The following FOXP2 variants were observed in gnomAD, a reference collection of about 807,000 sequenced individuals.
FOXP2 encodes the protein forkhead box P2.
In FOXP2, 12 loss-of-function variants were observed where a neutral mutation model predicts 115.8. The ratio of observed to expected loss-of-function variants is 0.10; its 90% CI spans 0.07 to 0.17. The LOEUF is 0.17. FOXP2 is among the 10% of genes least tolerant of loss of function. The pLI is 1.00. For synonymous variants in FOXP2, 328 were observed against 297.7 expected (o/e 1.10, Z -1.05); for missense variants, 629 against 843.5 (o/e 0.75, Z 3.15).
intron 3 of FOXP2, among the ~76,000 whole-genome samples, chr7:114,535,193 C>G (rs770573658): frequency 2.6e-5 from 4 of 151,702 alleles, no homozygotes; most frequent in Non-Finnish European, 5.9e-5. Flanking sequence ...GTTATAAAAA[C>G]ACATTCTGGA....
intron 1 of FOXP2, among the ~76,000 whole-genome samples, chr7:114,280,740 C>T (rs1796315011): frequency 6.6e-6 from 1 of 151,966 alleles, no homozygotes; most frequent in South Asian, 2.1e-4. Context: ...TTTTGATTAC[C>T]TCATGAGAAA....
intron 1 of FOXP2, among the ~76,000 whole-genome samples, chr7:114,181,295 A>T (rs1039488034): frequency 6.5e-5 from 9 of 138,354 alleles, no homozygotes; most frequent in East Asian, 2.1e-4. Context: ...TATATATATA[A>T]AATGAAGGAT....
intron 16 of FOXP2, among the ~76,000 whole-genome samples, chr7:114,678,950 T>C (rs903807202): frequency 6.6e-6 from 1 of 152,194 alleles, no homozygotes. Flanking sequence ...TTGACAGATT[T>C]AGGCTCTTCT....
chr7:114,628,454 A>G, intron 3 of FOXP2, 86 bp from the exon 4 acceptor site: 2 of 1,552,232 alleles, frequency 1.3e-6, no homozygotes, highest in Non-Finnish European at 1.8e-6. Flanking sequence ...AAGAATTTAT[A>G]AAAGATAACA....
chr7:114,159,604 A>G (rs905139022), upstream of FOXP2, among the ~76,000 whole-genome samples: 7 of 152,156 alleles, frequency 4.6e-5, no homozygotes, highest in Non-Finnish European at 8.8e-5. Context: ...AAACTGGGAC[A>G]CTTCTGAGAG....
chr7:114,198,842 A>G (rs911620792), intron 1 of FOXP2, among the ~76,000 whole-genome samples: 6 of 152,140 alleles, frequency 3.9e-5, no homozygotes, highest in African/African-American at 1.2e-4. Flanking sequence ...GGATCTGGCA[A>G]ATTTGAAACT....
At position 114,516,101 on chromosome 7, in the gene FOXP2, A is replaced by T. The variant is rs554818056; in HGVS notation, c.169-18516A>T. On this transcript the variant is annotated intron_variant, in intron 2 of 16. Transcript: ENST00000350908. ...AACCAAAAAAGAGCCCGCATCGCCA[A>T]GTCAACCCTAAGCCAAAAGAACAAA... Among the ~76,000 whole-genome samples, 5 of 152,312 alleles carry T rather than the reference A, an allele frequency of 3.3e-5. No homozygotes were observed. In the East Asian group the frequency reaches 9.6e-4, roughly 29 times the overall value.
upstream of FOXP2, chr7:114,086,596 G>A (rs1353721299): frequency 1.5e-5 from 6 of 407,242 alleles, no homozygotes; most frequent in Non-Finnish European, 2.9e-5. Flanking sequence ...CGCTGCCCAC[G>A]GCGTCCCCGG....
Position 114,376,408 on chromosome 7 carries a change from C to G in FOXP2, c.-10-50094C>G, listed in dbSNP as rs189952867. ...TGATGATTTCACCTACTCCACAGAG[C>G]TGTTGTGGGGATTAAATGAACAATA... On this transcript the variant is annotated intron_variant, in intron 2 of 17. Transcript: ENST00000634411. Among the ~76,000 whole-genome samples the G allele has an allele frequency of 3.0e-3, 462 of 152,292 alleles. 4 individuals carry two copies. The highest frequency in any genetic ancestry group is 0.011 in the African/African-American group (450 of 41,556).
intron 1 of FOXP2, among the ~76,000 whole-genome samples, chr7:114,109,777 A>T (rs1306667663): frequency 6.6e-6 from 1 of 152,068 alleles, no homozygotes; most frequent in Non-Finnish European, 1.5e-5. Context: ...TTGTTAAATG[A>T]TAAATATCTG....
At chr7:114,163,125 A>T (rs1182405625) in intron 1 of FOXP2, 1 of 152,148 alleles carries the variant, frequency 6.6e-6, no homozygotes, top group Non-Finnish European at 1.5e-5. Flanking sequence ...TTCATCTCTC[A>T]GTTTTTATTG....
At chr7:114,131,241 C>CT (rs2129145270) in intron 1 of FOXP2, among the ~76,000 whole-genome samples, 1 of 152,260 alleles carries the variant, frequency 6.6e-6, no homozygotes, top group African/African-American at 2.4e-5. Context: ...CTCTTATACT[C>CT]TAATTATCTC....
chr7:114,541,619 C>T (rs1388644739), intron 3 of FOXP2, among the ~76,000 whole-genome samples: 2 of 151,864 alleles, frequency 1.3e-5, no homozygotes, highest in African/African-American at 4.8e-5. Context: ...CATACTTTAA[C>T]ATGGATGATA....
At chr7:114,244,237 G>A (rs1221324149) in intron 1 of FOXP2, among the ~76,000 whole-genome samples, 1 of 152,082 alleles carries the variant, frequency 6.6e-6, no homozygotes, top group Non-Finnish European at 1.5e-5. Context: ...TATGACATTA[G>A]TATGGTATAT....
At chr7:114,401,436 T>C (rs751724529) in intron 2 of FOXP2, among the ~76,000 whole-genome samples, 1 of 152,166 alleles carries the variant, frequency 6.6e-6, no homozygotes, top group Non-Finnish European at 1.5e-5. Flanking sequence ...TTTTTCCCCT[T>C]CCTTCACTCC....
Position 114,294,482 on chromosome 7 carries a change from G to T in FOXP2, c.-11+6373G>T, listed in dbSNP as rs115221419. 6.9e-3 allele frequency among the ~76,000 whole-genome samples: 1,055 copies of T among 152,106 alleles called. 9 individuals carry two copies. Among genetic ancestry groups the T allele is most frequent in the African/African-American group, 0.024 (977 of 41,480 alleles). ...ATTGAGCTCACTAGAAAAATAATAC[G>T]TTTGGTTTCCAGAAAAGTGAATTGA... is the stretch of plus-strand genomic sequence containing the variant. On this transcript the variant is annotated intron_variant, in intron 2 of 17. Coordinates refer to the FOXP2 transcript ENST00000634411.
chr7:114,232,647 C>G (rs1794910681), intron 1 of FOXP2, among the ~76,000 whole-genome samples: 1 of 151,988 alleles, frequency 6.6e-6, no homozygotes, highest in Non-Finnish European at 1.5e-5. Flanking sequence ...AACCCCATCT[C>G]TACTAAAAAT....
At chr7:114,585,668 C>G (rs887009826) in intron 3 of FOXP2, among the ~76,000 whole-genome samples, 2 of 151,350 alleles carry the variant, frequency 1.3e-5, no homozygotes, top group Non-Finnish European at 1.5e-5. Flanking sequence ...AGTTAAAGAC[C>G]AGCCTGGCCA....
At chr7:114,164,381 T>C (rs1217917190) in intron 1 of FOXP2, among the ~76,000 whole-genome samples, 1 of 151,664 alleles carries the variant, frequency 6.6e-6, no homozygotes, top group Non-Finnish European at 1.5e-5. Context: ...AGTCTCACTC[T>C]GTCACCAGGC....
Sources: gnomAD v4.1 joint callset for allele counts (sites outside exome capture counted in the v4.1 genomes callset) on GRCh38, gnomAD v4.1.1 for gene constraint, MANE v1.5 for transcripts, NCBI Gene and HGNC (gene_info 2026-07-23, HGNC 2026-07-21) for gene names.